GALNT17: variants seen among roughly 807,000 people sequenced by gnomAD.
GALNT17 encodes polypeptide N-acetylgalactosaminyltransferase 17, also known as UDP-GalNAc:polypeptide N-acetylgalactosaminyltransferase-like 3.
In GALNT17, 29 loss-of-function variants were observed where a neutral mutation model predicts 63.7. The observed-to-expected ratio is 0.46, with a 90% CI of 0.34 to 0.62. The LOEUF is 0.62. Ranked by LOEUF, GALNT17 falls within the 20% of genes least tolerant of loss-of-function variation. GALNT17 has a pLI of 0.01. For missense variants in GALNT17, 603 were observed against 799.6 expected, an observed-to-expected ratio of 0.75 and a Z score of 2.97; for synonymous variants, 305 against 318.3, an observed-to-expected ratio of 0.96 and a Z score of 0.45.
intron 9 of GALNT17, among the ~76,000 whole-genome samples, chr7:71,699,471 G>A (rs113853753): frequency 1.5e-5 from 2 of 129,478 alleles, no homozygotes; most frequent in African/African-American, 2.9e-5. Flanking sequence ...GTGAGACTCT[G>A]TCTCAAAAAA....
At chr7:71,448,153 A>G (rs933480834) in intron 5 of GALNT17, among the ~76,000 whole-genome samples, 3 of 152,308 alleles carry the variant, frequency 2.0e-5, no homozygotes, top group East Asian at 1.9e-4. Context: ...CAACATGGCT[A>G]TTGGAGAGTT....
At chr7:71,164,537 C>G (rs1788403045) in intron 1 of GALNT17, among the ~76,000 whole-genome samples, 1 of 152,130 alleles carries the variant, frequency 6.6e-6, no homozygotes, top group Non-Finnish European at 1.5e-5. Context: ...ATCATTGTCC[C>G]CTTTCAAAAT....
At chr7:71,465,279 G>C (rs1787516587) in intron 5 of GALNT17, among the ~76,000 whole-genome samples, 1 of 152,138 alleles carries the variant, frequency 6.6e-6, no homozygotes, top group Non-Finnish European at 1.5e-5. Context: ...TTACTTTAAA[G>C]TTAAATATAA....
intron 1 of GALNT17, among the ~76,000 whole-genome samples, chr7:71,310,531 C>T (rs1791397337): frequency 6.6e-6 from 1 of 152,170 alleles, no homozygotes; most frequent in African/African-American, 2.4e-5. Flanking sequence ...TACTTTTGCA[C>T]CAACCTAATA....
Position 71,713,103 on chromosome 7 carries a change from A to G in GALNT17, c.*957A>G, listed in dbSNP as rs755230785. ...GAAGGCAGTCGTTTCCTCTCTGAAGAGTATTTTTTTCGATTGCCCTCTGGT... is the reference window on the plus strand; with the variant it reads ...GAAGGCAGTCGTTTCCTCTCTGAAGGGTATTTTTTTCGATTGCCCTCTGGT... On this transcript the variant is annotated 3_prime_UTR_variant, in exon 11 of 11. Coordinates refer to ENST00000333538, the MANE Select transcript of GALNT17 (RefSeq NM_022479.3). 3 of 152,662 alleles carry G rather than the reference A, an allele frequency of 2.0e-5. No individual in the cohort carries two copies. Among genetic ancestry groups the G allele is most frequent in the Non-Finnish European group, 2.9e-5 (2 of 68,064 alleles). 9.5% of individuals were successfully genotyped at this position (152,662 alleles called of 1,614,324 possible). A position where few individuals can be genotyped will look rare whatever the true frequency, so the allele number is the denominator to read the frequency against.
At chr7:71,165,376 A>G (rs1470100907) in intron 1 of GALNT17, among the ~76,000 whole-genome samples, 1 of 152,246 alleles carries the variant, frequency 6.6e-6, no homozygotes, top group East Asian at 1.9e-4. Flanking sequence ...TACAAAAGAA[A>G]GAAGTTTAAT....
chr7:71,406,194 C>T (rs73362022), intron 3 of GALNT17, among the ~76,000 whole-genome samples: 6,825 of 152,122 alleles, frequency 0.045, 550 homozygotes, highest in African/African-American at 0.16. Context: ...TCATTATAGA[C>T]ACAGACAAGC....
intron 5 of GALNT17, among the ~76,000 whole-genome samples, chr7:71,472,485 A>C (rs948738880): frequency 6.6e-6 from 1 of 152,258 alleles, no homozygotes; most frequent in East Asian, 1.9e-4. Flanking sequence ...TCAAGAGGTC[A>C]AGACCATACT....
intron 2 of GALNT17, among the ~76,000 whole-genome samples, chr7:71,381,022 G>A (rs112280911): frequency 5.3e-5 from 8 of 151,524 alleles, no homozygotes; most frequent in African/African-American, 1.5e-4. Flanking sequence ...GTGCAGAGGC[G>A]CGATATTGAC....
intron 1 of GALNT17, among the ~76,000 whole-genome samples, chr7:71,280,647 A>G (rs1558004): frequency 0.96 from 146,223 of 152,282 alleles, 70,259 homozygotes; most frequent in East Asian, 0.99. Flanking sequence ...AGTTTAAGCA[A>G]TGGGACTCTG....
At chr7:71,215,651 C>T (rs1789463462) in intron 1 of GALNT17, among the ~76,000 whole-genome samples, 1 of 152,058 alleles carries the variant, frequency 6.6e-6, no homozygotes, top group South Asian at 2.1e-4. Context: ...AAAGCAAATC[C>T]CAGATACTAT....
intron 3 of GALNT17, among the ~76,000 whole-genome samples, chr7:71,399,234 C>G (rs1293173876): frequency 6.6e-6 from 1 of 152,082 alleles, no homozygotes; most frequent in African/African-American, 2.4e-5. Context: ...ATTCCATCCC[C>G]CCTGCCCTCC....
At chr7:71,508,366 C>A (rs1288929782) in intron 5 of GALNT17, among the ~76,000 whole-genome samples, 2 of 152,198 alleles carry the variant, frequency 1.3e-5, no homozygotes, top group Non-Finnish European at 2.9e-5. Context: ...AATTTGGCAT[C>A]CAGATTCCAT....
intron 5 of GALNT17, among the ~76,000 whole-genome samples, chr7:71,563,958 A>G (rs1789296301): frequency 1.3e-5 from 2 of 152,038 alleles, no homozygotes; most frequent in South Asian, 4.1e-4. Flanking sequence ...CTCCTGAGCT[A>G]AAGCGATCCT....
chr7:71,345,515 G>A (rs375081637), intron 2 of GALNT17, among the ~76,000 whole-genome samples: 1 of 152,158 alleles, frequency 6.6e-6, no homozygotes, highest in Non-Finnish European at 1.5e-5. Context: ...CTTTGGATGC[G>A]GCTGGCATGA....
intron 2 of GALNT17, among the ~76,000 whole-genome samples, chr7:71,367,721 G>A (rs908713411): frequency 3.3e-5 from 5 of 152,108 alleles, no homozygotes; most frequent in Admixed American, 6.5e-5. Flanking sequence ...CTTCTATTTG[G>A]GGCTCTTCCT....
intron 1 of GALNT17, among the ~76,000 whole-genome samples, chr7:71,232,498 G>A (rs1207488659): frequency 1.3e-5 from 2 of 152,066 alleles, no homozygotes; most frequent in African/African-American, 4.8e-5. Flanking sequence ...AGGGACTAGG[G>A]GGGATTTAAT....
chr7:71,453,015 G>C (rs1457953784), intron 5 of GALNT17, among the ~76,000 whole-genome samples: 1 of 152,078 alleles, frequency 6.6e-6, no homozygotes, highest in Admixed American at 6.6e-5. Context: ...CATTTTCTCT[G>C]TTCTCTCTGG....
intron 1 of GALNT17, among the ~76,000 whole-genome samples, chr7:71,188,343 C>T (rs1021952231): frequency 5.9e-5 from 9 of 152,136 alleles, no homozygotes; most frequent in African/African-American, 2.2e-4. Flanking sequence ...ACATTTTCAC[C>T]AGCAGTGTAG....
Sources: gnomAD v4.1 joint callset for allele counts (sites outside exome capture counted in the v4.1 genomes callset) on GRCh38, gnomAD v4.1.1 for gene constraint, MANE v1.5 for transcripts, NCBI Gene and HGNC (gene_info 2026-07-23, HGNC 2026-07-21) for gene names.